Variants in BPIFB1 observed in about 807,000 individuals in gnomAD.
BPIFB1 encodes BPI fold containing family B member 1.
In BPIFB1, 34 loss-of-function variants were observed where a neutral mutation model predicts 55.1. That is an observed-to-expected ratio of 0.62 (90% CI 0.47 to 0.82). BPIFB1 has a LOEUF of 0.82. BPIFB1 is among the 40% of genes least tolerant of loss of function. The pLI, the probability that BPIFB1 is intolerant of heterozygous loss-of-function variation, is 0.00. For synonymous variants in BPIFB1, 236 were observed against 245.3 expected, an observed-to-expected ratio of 0.96 and a Z score of 0.35; for missense variants, 532 against 593.1, an observed-to-expected ratio of 0.90 and a Z score of 1.07.
At position 33,291,073 on chromosome 20, in the gene BPIFB1, G is replaced by T. The variant is rs1980455620; in HGVS notation, c.482G>T (p.Ser161Ile). 1 of 1,612,906 alleles carries T rather than the reference G, an allele frequency of 6.2e-7. No homozygotes were observed. Among genetic ancestry groups the T allele is most frequent in the Non-Finnish European group, 8.5e-7 (1 of 1,180,016 alleles). ...TRLVLSDCAT[S>I]HGSLRIQLLH... ...CTGGTCCTCAGTGACTGTGCCACCA[G>T]CCATGGGAGCCTGCGCATCCAACTG... Residue 161 changes from serine to isoleucine, a missense_variant, in exon 5 of 16, where the codon AGC (serine) becomes ATC (isoleucine). Ser to Ile is a moderately radical substitution (Grantham distance 142). Coordinates refer to ENST00000253354, the MANE Select transcript of BPIFB1 (RefSeq NM_033197.3).
rs781426711 is a variant in BPIFB1, at chr20:33,297,604, T to C, written c.661+16T>C. On this transcript the variant is annotated intron_variant, in intron 7 of 15. Transcript: ENST00000253354. ...CTGGTGAAGGGTAGGTGCTCTGCTC[T>C]CTCTCCCACTTTTTCCTTTACTACG... 6.2e-7 allele frequency: 1 copy of C among 1,613,892 alleles called. No homozygotes were observed. Among genetic ancestry groups the C allele is most frequent in the African/African-American group, 1.3e-5 (1 of 74,922 alleles).
chr20:33,291,887 C>T lies in BPIFB1; in HGVS notation c.516-20C>T, dbSNP rs1212014861. ...ATCTCTGACCCTTCCTAATGTCTCT[C>T]GTGCTCTCTTCCCTGAAAGGCTCTC... On this transcript the variant is annotated intron_variant, in intron 5 of 15. Transcript: ENST00000253354. 1 of 1,606,736 alleles carries T rather than the reference C, an allele frequency of 6.2e-7. No individual in the cohort carries two copies. The highest frequency in any genetic ancestry group is 1.7e-5 in the Admixed American group (1 of 60,008).
intron 15 of BPIFB1, 107 bp downstream of exon 15, chr20:33,307,094 T>C (rs374445254): frequency 1.1e-5 from 11 of 1,003,614 alleles, no homozygotes; most frequent in African/African-American, 9.5e-5. Context: ...CAGGTGACCC[T>C]GGGCAAGTCC....
chr20:33,306,152 T>A, intron 14 of BPIFB1, 87 bp downstream of exon 14: 1 of 1,364,376 alleles, frequency 7.3e-7, no homozygotes, highest in Non-Finnish European at 1.0e-6. Flanking sequence ...GGGGCCCCTT[T>A]CATTCATCTC....
At chr20:33,289,848 G>T in intron 3 of BPIFB1, 37 bp from the exon 4 acceptor site, 1 of 1,559,388 alleles carries the variant, frequency 6.4e-7, no homozygotes, top group Non-Finnish European at 8.8e-7. Context: ...ATAATGAGCC[G>T]GAGGCATGAT....
chr20:33,308,739 T>C (rs980841000), intron 15 of BPIFB1, among the ~76,000 whole-genome samples: 2 of 148,224 alleles, frequency 1.3e-5, no homozygotes, highest in Non-Finnish European at 3.0e-5. Flanking sequence ...CACACACACA[T>C]ACATATTGCA....
chr20:33,297,354 C>T (rs925537601), intron 6 of BPIFB1, among the ~76,000 whole-genome samples, 171 bp from the exon 7 acceptor site: 4 of 152,230 alleles, frequency 2.6e-5, no homozygotes, highest in African/African-American at 9.6e-5. Flanking sequence ...CCCAGGTGGC[C>T]CTGCAGGCTG....
intron 3 of BPIFB1, among the ~76,000 whole-genome samples, chr20:33,289,558 A>C (rs943049838): frequency 6.6e-6 from 1 of 152,202 alleles, no homozygotes; most frequent in East Asian, 1.9e-4. Context: ...GGGCAAAGGC[A>C]TGGAGAAGTG....
intron 3 of BPIFB1, among the ~76,000 whole-genome samples, chr20:33,289,273 C>G (rs886485050): frequency 6.6e-6 from 1 of 151,416 alleles, no homozygotes; most frequent in Non-Finnish European, 1.5e-5. Context: ...CCCAGCTACT[C>G]AGGAGGCTGA....
chr20:33,292,141 G>C lies in BPIFB1; in HGVS notation c.597+153G>C, dbSNP rs149428148. The stretch of plus-strand genomic sequence containing the variant: ...GCTGGATAGCAAAGAGTCATGGAGT[G>C]GGGTGGGCCATTGACCCAGGCAGAC... On this transcript the variant is annotated intron_variant, in intron 6 of 15. Coordinates refer to ENST00000253354, the MANE Select transcript of BPIFB1 (RefSeq NM_033197.3). Among the ~76,000 whole-genome samples, 13 of 152,376 alleles carry C rather than the reference G, an allele frequency of 8.5e-5. No homozygotes were observed. The East Asian group carries it at 2.5e-3, about 29-fold the overall frequency.
chr20:33,302,577 T>G (rs1980888557), intron 10 of BPIFB1, 165 bp downstream of exon 10: 2 of 754,380 alleles, frequency 2.7e-6, no homozygotes, highest in Admixed American at 2.1e-5. Flanking sequence ...CAGTTTGACC[T>G]GAAGCAAATC....
chr20:33,303,568 C>A (rs1170543908), intron 11 of BPIFB1, among the ~76,000 whole-genome samples: 1 of 152,200 alleles, frequency 6.6e-6, no homozygotes, highest in Admixed American at 6.5e-5. Context: ...TCAGGGCTGA[C>A]TCTCACTGAA....
rs1239560793 is a variant in BPIFB1 at position 33,304,045 on chromosome 20, T to C, written c.1208+20T>C. 19 of 1,603,184 alleles carry C rather than the reference T, an allele frequency of 1.2e-5. No individual in the cohort carries two copies. In the African/African-American group the frequency reaches 1.9e-4, roughly 16 times the overall value. ...CATCAGGTAAACACACAAATCATCA[T>C]GAAGATTCTGCTGATGGAAATGAGT... On this transcript the variant is annotated intron_variant, in intron 12 of 15. Coordinates refer to ENST00000253354, the MANE Select transcript of BPIFB1 (RefSeq NM_033197.3).
At chr20:33,302,660 G>C in intron 10 of BPIFB1, 1 of 625,580 alleles carries the variant, frequency 1.6e-6, no homozygotes, top group South Asian at 1.9e-5. Context: ...GAACACTCTG[G>C]GCCCCTGATA....
Position 33,297,582 on chromosome 20 carries a change from G to A in BPIFB1, c.655G>A (p.Val219Met), listed in dbSNP as rs758757008. The change falls in exon 7 of 16, where the codon GTG (valine) becomes ATG (methionine). Residue 219 changes from valine (V) to methionine (M), a missense_variant. Coordinates refer to ENST00000253354, the MANE Select transcript of BPIFB1 (RefSeq NM_033197.3). ...CATGTATGCAGACCTCCTGCAGCTG[G>A]TGAAGGGTAGGTGCTCTGCTCTCTC... ...NGMYADLLQL[V>M]KVPISLSIDR... 1 of 1,614,068 alleles carries A rather than the reference G, an allele frequency of 6.2e-7. No individual in the cohort carries two copies. The highest frequency in any genetic ancestry group is 1.3e-5 in the African/African-American group (1 of 74,936).
chr20:33,286,480 C>T (rs1568645989), intron 2 of BPIFB1, among the ~76,000 whole-genome samples: 1 of 152,244 alleles, frequency 6.6e-6, no homozygotes, highest in Non-Finnish European at 1.5e-5. Flanking sequence ...TCTCCCACTG[C>T]CTTCACCTGA....
chr20:33,302,045 G>A (rs1039279036), intron 9 of BPIFB1, among the ~76,000 whole-genome samples: 2 of 152,164 alleles, frequency 1.3e-5, no homozygotes, highest in African/African-American at 4.8e-5. Context: ...AAAATAGGGA[G>A]TGGTCACCAA....
intron 4 of BPIFB1, among the ~76,000 whole-genome samples, 173 bp from the exon 5 acceptor site, chr20:33,290,784 G>C (rs904450670): frequency 6.6e-6 from 1 of 152,222 alleles, no homozygotes; most frequent in African/African-American, 2.4e-5. Context: ...AACCAAAGAG[G>C]AGTCTGAAAA....
At chr20:33,308,441 C>T (rs948151001) in intron 15 of BPIFB1, among the ~76,000 whole-genome samples, 55 of 150,424 alleles carry the variant, frequency 3.7e-4, no homozygotes, top group African/African-American at 9.0e-4. Flanking sequence ...CATGCATGCA[C>T]ACACACATAT....
Sources: gnomAD v4.1 joint callset for allele counts (sites outside exome capture counted in the v4.1 genomes callset) on GRCh38, gnomAD v4.1.1 for gene constraint, MANE v1.5 for transcripts, NCBI Gene and HGNC (gene_info 2026-07-23, HGNC 2026-07-21) for gene names.